The following DENND5A variants were observed in gnomAD, a reference collection of about 807,000 sequenced individuals.
DENND5A encodes DENN domain containing 5A, also known as DENN domain-containing protein 5A.
In DENND5A, 64 loss-of-function variants were observed where a neutral mutation model predicts 140.3. That is an observed-to-expected ratio of 0.46 (90% CI 0.37 to 0.56). DENND5A has a LOEUF of 0.56. Among genes scored for constraint, DENND5A ranks in the 20% least tolerant of loss-of-function variants. The pLI is 0.00. For synonymous variants in DENND5A, 605 were observed against 607.7 expected (o/e 1.00, Z 0.07); for missense variants, 1,292 against 1,593.8 (o/e 0.81, Z 3.22).
intron 1 of DENND5A, chr11:9,245,318 CA>C (rs1292562136): frequency 6.7e-6 from 1 of 149,480 alleles, no homozygotes; most frequent in Non-Finnish European, 1.5e-5. Context: ...ACAAAAAATG[CA>C]GTGGCTCATA....
At chr11:9,218,551 T>G (rs142026846) in intron 1 of DENND5A, among the ~76,000 whole-genome samples, 172 of 151,922 alleles carry the variant, frequency 1.1e-3, no homozygotes, top group African/African-American at 4.1e-3. Context: ...CATGGCGAAA[T>G]CCTGTCTACT....
At chr11:9,150,862 G>C (rs1441745585) in intron 13 of DENND5A, 98 bp from the exon 14 acceptor site, 5 of 675,674 alleles carry the variant, frequency 7.4e-6, no homozygotes, top group Admixed American at 2.6e-5. Context: ...ATGGGAAACA[G>C]GTGGTTACAC....
chr11:9,183,515 C>A (rs113722549), intron 5 of DENND5A, among the ~76,000 whole-genome samples: 1 of 151,574 alleles, frequency 6.6e-6, no homozygotes, highest in Non-Finnish European at 1.5e-5. Context: ...TGGCTCACTG[C>A]AGCCTTGACT....
intron 1 of DENND5A, among the ~76,000 whole-genome samples, chr11:9,239,219 C>T (rs1851132625): frequency 6.6e-6 from 1 of 151,808 alleles, no homozygotes; most frequent in African/African-American, 2.4e-5. Context: ...ATTTAAGAGA[C>T]AGGAGCCTCA....
At chr11:9,258,934 T>C (rs1041450267) in intron 1 of DENND5A, among the ~76,000 whole-genome samples, 1 of 152,196 alleles carries the variant, frequency 6.6e-6, no homozygotes, top group African/African-American at 2.4e-5. Flanking sequence ...AGTCACCTTT[T>C]TCTCTTTCTT....
At chr11:9,261,021 T>C (rs1469428412) in intron 1 of DENND5A, among the ~76,000 whole-genome samples, 2 of 55,914 alleles carry the variant, frequency 3.6e-5, no homozygotes, top group Non-Finnish European at 7.7e-5. Flanking sequence ...GCTAATTTTT[T>C]GTACTTTCTG....
intron 5 of DENND5A, among the ~76,000 whole-genome samples, chr11:9,186,493 A>T (rs1345758780): frequency 6.6e-6 from 1 of 152,230 alleles, no homozygotes; most frequent in Non-Finnish European, 1.5e-5. Flanking sequence ...AGAAAAAAGC[A>T]GTTTCTCCAA....
In DENND5A at chr11:9,150,742, A is replaced by G. The variant is rs1847587649; in HGVS notation, c.2544T>C (p.Arg848=). The G allele has an allele frequency of 1.9e-6, 3 of 1,613,144 alleles. No individual in the cohort carries two copies. Among genetic ancestry groups the G allele is most frequent in the Non-Finnish European group, 2.5e-6 (3 of 1,179,350 alleles). The part of the protein sequence containing the change: ...STSGILLDSE[R]RKSDASSLMP... ...TGAGTGAGCTGGCATCAGACTTCCT[A>G]CGTTCTGAATCAAGAAGTATTCCTA... Residue 848 remains arginine (R), a synonymous_variant, in exon 14 of 23, where the codon CGT becomes CGC. Transcript: ENST00000328194.
intron 1 of DENND5A, among the ~76,000 whole-genome samples, chr11:9,230,191 G>A (rs1385461774): frequency 6.9e-6 from 1 of 145,634 alleles, no homozygotes; most frequent in Admixed American, 7.0e-5. Flanking sequence ...TTACAGGCAT[G>A]AGCCACCGCG....
intron 1 of DENND5A, among the ~76,000 whole-genome samples, chr11:9,216,943 G>A (rs1343315637): frequency 1.3e-5 from 2 of 152,070 alleles, no homozygotes; most frequent in Admixed American, 6.6e-5. Context: ...GGCTGTGGTG[G>A]GAGGATCACT....
intron 5 of DENND5A, among the ~76,000 whole-genome samples, chr11:9,181,337 G>A (rs1212026046): frequency 6.6e-6 from 1 of 152,144 alleles, no homozygotes; most frequent in Non-Finnish European, 1.5e-5. Flanking sequence ...GTAAAATGGA[G>A]ATAAAGAGAT....
At chr11:9,231,044 GGAAT>G (rs1244631894) in intron 1 of DENND5A, among the ~76,000 whole-genome samples, 1 of 152,072 alleles carries the variant, frequency 6.6e-6, no homozygotes, top group Non-Finnish European at 1.5e-5. Flanking sequence ...CCTATTGAGA[GGAAT>G]GAATGAGTTA....
Position 9,146,089 on chromosome 11 carries a change from G to A in DENND5A, c.2858-274C>T, listed in dbSNP as rs148983005. 4.5e-3 allele frequency among the ~76,000 whole-genome samples: 678 copies of A among 152,240 alleles called. 6 individuals carry two copies. Among genetic ancestry groups the A allele is most frequent in the African/African-American group, 0.016 (653 of 41,544 alleles). ...CCTATCTGTAGGCTCAGAACTAAAT[G>A]AACCTGTTCGTTAAACAATATCCCC... On this transcript the variant is annotated intron_variant, in intron 16 of 22. Transcript: ENST00000328194.
chr11:9,144,407 T>C, intron 18 of DENND5A, 129 bp from the exon 19 acceptor site: 1 of 895,254 alleles, frequency 1.1e-6, no homozygotes, highest in Non-Finnish European at 1.7e-6. Context: ...AATGCTCTGC[T>C]GGTTCCACCA....
At chr11:9,249,624 C>T (rs550705360) in intron 1 of DENND5A, among the ~76,000 whole-genome samples, 5 of 152,326 alleles carry the variant, frequency 3.3e-5, no homozygotes, top group Admixed American at 6.5e-5. Context: ...TCTCAGCTCA[C>T]TGCAACCTCT....
At position 9,170,788 on chromosome 11, in the gene DENND5A, A is replaced by G. The variant is rs972694535; in HGVS notation, c.1907-11T>C. The G allele has an allele frequency of 6.2e-7, 1 of 1,602,890 alleles. No individual in the cohort carries two copies. The highest frequency in any genetic ancestry group is 8.5e-7 in the Non-Finnish European group (1 of 1,178,278). On this transcript the variant is annotated splice_polypyrimidine_tract_variant and intron_variant, in intron 8 of 22. Transcript: ENST00000328194. ...GCTCAATTGCTTTCTCTGGATGAGAATACACACACACACACACACACACAC... is the reference window on the plus strand; with the variant it reads ...GCTCAATTGCTTTCTCTGGATGAGAGTACACACACACACACACACACACAC...
At chr11:9,176,124 G>A (rs1387028656) in intron 8 of DENND5A, among the ~76,000 whole-genome samples, 1 of 152,164 alleles carries the variant, frequency 6.6e-6, no homozygotes, top group Non-Finnish European at 1.5e-5. Flanking sequence ...AAGGCTTGAG[G>A]ACAAGTTGTC....
chr11:9,240,894 A>G (rs1348699815), intron 1 of DENND5A, among the ~76,000 whole-genome samples: 5 of 152,210 alleles, frequency 3.3e-5, no homozygotes, highest in Non-Finnish European at 2.9e-5. Context: ...TGTGGCTGAT[A>G]GATGTGGTAT....
intron 22 of DENND5A, 101 bp downstream of exon 22, chr11:9,141,839 G>A (rs1461559927): frequency 8.6e-7 from 1 of 1,156,916 alleles, no homozygotes; most frequent in Admixed American, 3.1e-5. Flanking sequence ...ATCTCCCTAA[G>A]GGCACCTGAT....
Sources: allele counts gnomAD v4.1 joint callset (sites outside exome capture counted in the v4.1 genomes callset), GRCh38; gene constraint gnomAD v4.1.1; transcripts MANE v1.5; gene names NCBI Gene and HGNC (gene_info 2026-07-23, HGNC 2026-07-21).